The following COQ3 variants were observed in gnomAD, a reference collection of about 807,000 sequenced individuals.
The protein encoded by COQ3 is coenzyme Q3, methyltransferase, also known as ubiquinone biosynthesis O-methyltransferase, mitochondrial.
A neutral mutation model predicts 33.1 loss-of-function variants in COQ3; 29 were observed. The observed-to-expected ratio is 0.88, with a 90% CI of 0.65 to 1.19. The LOEUF (loss-of-function observed/expected upper bound fraction) is 1.19. COQ3 is among the 50% of genes most tolerant of loss of function. The probability of loss-of-function intolerance (pLI) is 0.00; values close to 1 mark genes in which losing one functional copy is unlikely to be tolerated. For synonymous variants in COQ3, 173 were observed against 157.8 expected (o/e 1.10, Z -0.72); for missense variants, 437 against 430.7 (o/e 1.01, Z -0.13).
In COQ3 at chr6:99,394,101, CT is replaced by C; in HGVS notation, c.78del (p.Ala27LeufsTer5). 6.2e-7 allele frequency: 1 copy of C among 1,613,934 alleles called. No homozygotes were observed. The highest frequency in any genetic ancestry group is 2.2e-5 in the East Asian group (1 of 44,848). ...GCCGAGGAAATTAAGGGACGCGCAG[CT>C]TTTGTATTACAGCCTCCAGGCCCCA... Reference protein sequence around the residue: ...RVLGPGGCNTKAARPLISSAV... With the variant: ...RVLGPGGCNTXAARPLISSAV... On this transcript the variant is annotated frameshift_variant, in exon 1 of 7. Coordinates refer to ENST00000254759, the MANE Select transcript of COQ3 (RefSeq NM_017421.4). LOFTEE classifies it high-confidence loss of function.
chr6:99,380,085 G>T, intron 3 of COQ3, 104 bp downstream of exon 3: 1 of 1,025,384 alleles, frequency 9.8e-7, no homozygotes, highest in Non-Finnish European at 1.4e-6. Context: ...CAAACTTAAT[G>T]TGCAGCATTT....
chr6:99,390,887 G>T (rs1774805915), intron 1 of COQ3, among the ~76,000 whole-genome samples: 1 of 152,058 alleles, frequency 6.6e-6, no homozygotes. Context: ...CATGAATGAG[G>T]TTAAGCATCC....
In COQ3 at chr6:99,371,449, G is replaced by A. The variant is rs1257810593; in HGVS notation, c.868C>T (p.Leu290=). 4.4e-6 allele frequency: 7 copies of A among 1,594,948 alleles called. No homozygotes were observed. The highest frequency in any genetic ancestry group is 6.0e-6 in the Non-Finnish European group (7 of 1,174,476). Residue 290 remains leucine, a synonymous_variant, in exon 6 of 7, where the codon CTA becomes TTA. Transcript: ENST00000254759. Reference sequence around the variant, plus strand: ...TTACTTGATTCCAGAATGCTCTCTAGTGTTTCAGGTGAAACAAACTTCTCC... The same window carrying A: ...TTACTTGATTCCAGAATGCTCTCTAATGTTTCAGGTGAAACAAACTTCTCC... ...TWEKFVSPET[L]ESILESNGLS... is the part of the protein sequence containing the mutation.
chr6:99,394,019 A>G (rs955604215), intron 1 of COQ3, 55 bp downstream of exon 1: 10 of 1,456,062 alleles, frequency 6.9e-6, no homozygotes, highest in African/African-American at 5.6e-5. Flanking sequence ...GCATGCGCAG[A>G]GACGCCAGCG....
chr6:99,388,222 A>T (rs537864449), intron 1 of COQ3, among the ~76,000 whole-genome samples: 1 of 152,284 alleles, frequency 6.6e-6, no homozygotes, highest in South Asian at 2.1e-4. Context: ...CAAAGGCAAC[A>T]CAAAAAAGTC....
At chr6:99,377,848 A>G (rs1774340130) in intron 3 of COQ3, among the ~76,000 whole-genome samples, 1 of 151,870 alleles carries the variant, frequency 6.6e-6, no homozygotes, top group Non-Finnish European at 1.5e-5. Flanking sequence ...GTCAGCAGCA[A>G]ATAGGTTATT....
chr6:99,381,685 G>C (rs1323648888), intron 2 of COQ3, among the ~76,000 whole-genome samples: 1 of 152,140 alleles, frequency 6.6e-6, no homozygotes, highest in African/African-American at 2.4e-5. Context: ...CAGCATTTTG[G>C]AAGGCTGAGG....
At chr6:99,393,996 C>T (rs1774902755) in intron 1 of COQ3, 78 bp downstream of exon 1, 2 of 1,252,382 alleles carry the variant, frequency 1.6e-6, no homozygotes, top group African/African-American at 2.9e-5. Flanking sequence ...CAACCCACCG[C>T]CCCACCCCCG....
Position 99,380,346 on chromosome 6 carries a change from A to C in COQ3, c.234-5T>G, listed in dbSNP as rs1165849994. The C allele has an allele frequency of 6.2e-7, 1 of 1,612,668 alleles. No homozygotes were observed. Among genetic ancestry groups the C allele is most frequent in the Non-Finnish European group, 8.5e-7 (1 of 1,179,338 alleles). On this transcript the variant is annotated splice_region_variant and splice_polypyrimidine_tract_variant and intron_variant, in intron 2 of 6. Coordinates refer to ENST00000254759, the MANE Select transcript of COQ3 (RefSeq NM_017421.4). The stretch of plus-strand genomic sequence containing the variant: ...TACAGTCTCGCCCAAGGGTACCTAA[A>C]AGGTGAAAATGAAGAACCAAGCAAA...
In COQ3 at chr6:99,378,158, TTAGAGAGAG is replaced by T. The variant is rs1562204655; in HGVS notation, c.387-682_387-674del. 8.2e-3 allele frequency among the ~76,000 whole-genome samples: 663 copies of T among 80,798 alleles called. 3 individuals are homozygous for T. Among genetic ancestry groups the T allele is most frequent in the African/African-American group, 0.037 (629 of 17,046 alleles). The allele number at this position is 80,798 out of a possible 152,430, so 53.0% of individuals were successfully genotyped here. On this transcript the variant is annotated intron_variant, in intron 3 of 6. Transcript: ENST00000254759. ...TATATATATATATATATATATATAT[TTAGAGAGAG>T]AGAGAGAGAGAGAGGACTATGTATA...
At position 99,375,962 on chromosome 6, in the gene COQ3, T is replaced by C. The variant is rs145976044; in HGVS notation, c.707A>G (p.Gln236Arg). Residue 236 changes from glutamine to arginine, a missense_variant, in exon 5 of 7, where the codon CAG becomes CGG. Transcript: ENST00000254759. Reference protein sequence around the residue: ...EHVIDLETFLQCCCQVLKPGG... With the variant: ...EHVIDLETFLRCCCQVLKPGG... Reference sequence around the variant, plus strand: ...TACTTTTAACACTTGACAGCAGCACTGTAAAAATGTTTCTAGATCAATCAC... The same window carrying C: ...TACTTTTAACACTTGACAGCAGCACCGTAAAAATGTTTCTAGATCAATCAC... The C allele has an allele frequency of 1.5e-5, 24 of 1,613,960 alleles. No individual in the cohort carries two copies. In the African/African-American group the frequency reaches 3.1e-4, roughly 21 times the overall value.
At chr6:99,387,481 A>C (rs977830411) in intron 1 of COQ3, among the ~76,000 whole-genome samples, 1 of 152,200 alleles carries the variant, frequency 6.6e-6, no homozygotes, top group African/African-American at 2.4e-5. Context: ...AAAAACCAAA[A>C]CAAAACAAAT....
At chr6:99,391,073 C>A (rs1774810550) in intron 1 of COQ3, among the ~76,000 whole-genome samples, 1 of 118,780 alleles carries the variant, frequency 8.4e-6, no homozygotes, top group Non-Finnish European at 1.8e-5. Context: ...GGCTTTTGCT[C>A]ATTTTATTTA....
intron 1 of COQ3, among the ~76,000 whole-genome samples, chr6:99,388,056 C>T (rs12198927): frequency 0.12 from 18,450 of 151,994 alleles, 1,626 homozygotes; most frequent in Non-Finnish European, 0.17. Flanking sequence ...CCCAGCTACT[C>T]GGGAGGCTGA....
chr6:99,390,794 A>C (rs368120114), intron 1 of COQ3, among the ~76,000 whole-genome samples: 2 of 152,302 alleles, frequency 1.3e-5, no homozygotes, highest in East Asian at 3.9e-4. Flanking sequence ...AAGGTCACCC[A>C]AGCGATCCTC....
chr6:99,392,225 G>T (rs1410449505), intron 1 of COQ3, among the ~76,000 whole-genome samples: 1 of 152,106 alleles, frequency 6.6e-6, no homozygotes, highest in African/African-American at 2.4e-5. Context: ...CAGGCACCAT[G>T]CTGATGGTGA....
chr6:99,390,081 C>G (rs963241128), intron 1 of COQ3, among the ~76,000 whole-genome samples: 16 of 152,314 alleles, frequency 1.1e-4, no homozygotes, highest in Middle Eastern at 3.4e-3. Context: ...CCACCGCACT[C>G]CAGCCTGGGC....
chr6:99,374,599 T>G (rs1471071228), intron 5 of COQ3, among the ~76,000 whole-genome samples: 12 of 152,194 alleles, frequency 7.9e-5, no homozygotes, highest in Admixed American at 7.9e-4. Flanking sequence ...AATAATACTT[T>G]AGGGGTATTT....
rs1025767560 is a variant in COQ3, at chr6:99,383,892, T to A, written c.107-68A>T. On this transcript the variant is annotated intron_variant, in intron 1 of 6. Transcript: ENST00000254759. ...TAAGAATCCCTGATATGCATGTAAT[T>A]GAAGATTCTATTTTATTTTATTATT... 1.3e-5 allele frequency: 15 copies of A among 1,189,638 alleles called. No homozygotes were observed. The East Asian group carries it at 3.7e-4, about 29-fold the overall frequency. 73.7% of individuals were successfully genotyped at this position (1,189,638 alleles called of 1,614,324 possible). A position where few individuals can be genotyped will look rare whatever the true frequency, so the allele number is the denominator to read the frequency against.
Sources: gnomAD v4.1 joint callset for allele counts (sites outside exome capture counted in the v4.1 genomes callset) on GRCh38, gnomAD v4.1.1 for gene constraint, MANE v1.5 for transcripts, NCBI Gene and HGNC (gene_info 2026-07-23, HGNC 2026-07-21) for gene names.